RAD50: variants seen among roughly 807,000 people sequenced by gnomAD.
The protein encoded by RAD50 is RAD50 double strand break repair protein.
In RAD50, 132 loss-of-function variants were observed where a neutral mutation model predicts 168.8. The observed-to-expected ratio is 0.78, with a 90% CI of 0.68 to 0.90. The LOEUF is 0.90. Among genes scored for constraint, RAD50 ranks in the 40% least tolerant of loss-of-function variants. The pLI is 0.00. For synonymous variants in RAD50, 525 were observed against 497.4 expected (o/e 1.06, Z -0.74); for missense variants, 1,347 against 1,534.4 (o/e 0.88, Z 2.04).
At chr5:132,597,513 T>C (rs1750812345) in intron 13 of RAD50, among the ~76,000 whole-genome samples, 1 of 152,142 alleles carries the variant, frequency 6.6e-6, no homozygotes, top group Non-Finnish European at 1.5e-5. Flanking sequence ...TCTCCCTCTG[T>C]CTCTTGTCTG....
chr5:132,617,093 A>T (rs1751189508), intron 20 of RAD50, among the ~76,000 whole-genome samples: 1 of 152,152 alleles, frequency 6.6e-6, no homozygotes, highest in Non-Finnish European at 1.5e-5. Flanking sequence ...TCACAGAGGA[A>T]ATTATGATGA....
At chr5:132,621,447 G>C (rs924733975) in intron 21 of RAD50, among the ~76,000 whole-genome samples, 2 of 152,012 alleles carry the variant, frequency 1.3e-5, no homozygotes, top group Non-Finnish European at 2.9e-5. Context: ...TATTGTGGTG[G>C]TTTCATAAGC....
chr5:132,620,154 A>G (rs578256941), intron 21 of RAD50, among the ~76,000 whole-genome samples: 7 of 151,852 alleles, frequency 4.6e-5, no homozygotes, highest in African/African-American at 1.7e-4. Flanking sequence ...ATCCACCTGT[A>G]TTGGCCTCCC....
chr5:132,587,800 G>C, intron 6 of RAD50, 110 bp downstream of exon 6: 1 of 1,550,804 alleles, frequency 6.4e-7, no homozygotes, highest in Non-Finnish European at 8.9e-7. Flanking sequence ...TACAGATCTT[G>C]TTACTTCTAT....
At chr5:132,576,841 A>G (rs1455524239) in intron 3 of RAD50, among the ~76,000 whole-genome samples, 1 of 151,488 alleles carries the variant, frequency 6.6e-6, no homozygotes, top group Admixed American at 6.6e-5. Flanking sequence ...CTGCTGCTAT[A>G]CAAAGTAGAC....
intron 11 of RAD50, among the ~76,000 whole-genome samples, chr5:132,594,377 G>A (rs753455325): frequency 2.0e-5 from 3 of 152,174 alleles, no homozygotes; most frequent in Non-Finnish European, 2.9e-5. Context: ...GGGATAAATT[G>A]TACTAGTAAG....
intron 20 of RAD50, 21 bp downstream of exon 20, chr5:132,616,151 T>G (rs968057713): frequency 6.2e-7 from 1 of 1,604,826 alleles, no homozygotes; most frequent in African/African-American, 1.3e-5. Flanking sequence ...AAAATAATCT[T>G]CAGTTTAAAT....
rs1351474481 is a variant in RAD50, at chr5:132,587,591, C to T, written c.786C>T (p.Leu262=). 6.2e-7 allele frequency: 1 copy of T among 1,613,344 alleles called. No individual in the cohort carries two copies. The highest frequency in any genetic ancestry group is 1.3e-5 in the African/African-American group (1 of 74,950). ...KNRLKEIEHN[L]SKIMKLDNEI... ...GTCTAAAAGAAATTGAACATAATCT[C>T]TCTAAAATAATGAAACTTGACAATG... Residue 262 remains leucine, a synonymous_variant, in exon 6 of 25, where the codon CTC becomes CTT. Coordinates refer to ENST00000378823, the MANE Select transcript of RAD50 (RefSeq NM_005732.4).
At chr5:132,626,160 G>A (rs1390741009) in intron 21 of RAD50, among the ~76,000 whole-genome samples, 7 of 152,186 alleles carry the variant, frequency 4.6e-5, no homozygotes, top group South Asian at 4.2e-4. Flanking sequence ...GAGCCACCGC[G>A]CCCGAGAGGA....
At position 132,594,983 on chromosome 5, in the gene RAD50, G is replaced by C. The variant is rs1180678191; in HGVS notation, c.1908G>C (p.Gln636His). 1.9e-6 allele frequency: 3 copies of C among 1,613,720 alleles called. No homozygotes were observed. Among genetic ancestry groups the C allele is most frequent in the Non-Finnish European group, 2.5e-6 (3 of 1,179,760 alleles). Reference sequence around the variant, plus strand: ...AGCTGTTTGATGTTTGTGGTAGCCAGGATTTTGAAAGTGATTTAGACAGGC... The same window carrying C: ...AGCTGTTTGATGTTTGTGGTAGCCACGATTTTGAAAGTGATTTAGACAGGC... ...EDKLFDVCGS[Q>H]DFESDLDRLK... Residue 636 changes from glutamine to histidine, a missense_variant, in exon 12 of 25, where the codon CAG becomes CAC. Gln to His is a conservative substitution (Grantham distance 24, BLOSUM62 0). This residue lies in a region of RAD50 where 703 missense variants were observed against 767.7 expected (regional missense o/e 0.92). Transcript: ENST00000378823.
intron 21 of RAD50, among the ~76,000 whole-genome samples, chr5:132,634,370 G>A (rs564466009): frequency 6.7e-6 from 1 of 149,870 alleles, no homozygotes; most frequent in Admixed American, 6.6e-5. Flanking sequence ...CTTTCCTATT[G>A]GTGTTTGCCT....
intron 11 of RAD50, 118 bp downstream of exon 11, chr5:132,592,152 T>TTACA: frequency 8.9e-7 from 1 of 1,127,844 alleles, no homozygotes; most frequent in East Asian, 2.5e-5. Context: ...ACTTTAGTTC[T>TTACA]TACATACAAG....
chr5:132,565,273 A>G (rs552045351), intron 2 of RAD50, among the ~76,000 whole-genome samples: 57 of 144,298 alleles, frequency 4.0e-4, no homozygotes, highest in African/African-American at 1.4e-3. Flanking sequence ...TCCTTTCATT[A>G]TAAGTTACCC....
chr5:132,565,690 C>T lies in RAD50; in HGVS notation c.213+6323C>T, dbSNP rs141834209. ...ACCAGGTGGCTTCTTGCAAGAATGC[C>T]GTCTCTACTCTATGATCTGACTTCC... On this transcript the variant is annotated intron_variant, in intron 2 of 24. Coordinates refer to ENST00000378823, the MANE Select transcript of RAD50 (RefSeq NM_005732.4). Among the ~76,000 whole-genome samples, 109 of 152,196 alleles carry T rather than the reference C, an allele frequency of 7.2e-4. 1 individual carries two copies. The highest frequency in any genetic ancestry group is 1.2e-3 in the Non-Finnish European group (82 of 67,978).
rs760621534 is a variant in RAD50, at chr5:132,642,183, TA to T, written c.3763del (p.Ser1255ValfsTer12). On this transcript the variant is annotated frameshift_variant, in exon 25 of 25. Coordinates refer to ENST00000378823, the MANE Select transcript of RAD50 (RefSeq NM_005732.4). LOFTEE classifies it high-confidence loss of function. ...TTCTGAATATATTGTTGCAGGATAA[TA>T]AAAAGTCGCTCACAGCAGCGTAACT... The part of the protein sequence containing the change: ...ESLAHALVEI[I>X]KSRSQQRNFQ... The T allele has an allele frequency of 6.2e-7, 1 of 1,613,728 alleles. No homozygotes were observed. The highest frequency in any genetic ancestry group is 1.7e-5 in the Admixed American group (1 of 60,032).
intron 5 of RAD50, among the ~76,000 whole-genome samples, chr5:132,585,670 C>T (rs1255257806): frequency 2.2e-5 from 3 of 138,774 alleles, no homozygotes; most frequent in Non-Finnish European, 4.5e-5. Context: ...GTGGTGTGAT[C>T]TTGGCTCACT....
At chr5:132,592,893 G>C (rs1421856055) in intron 11 of RAD50, 1 of 470,766 alleles carries the variant, frequency 2.1e-6, no homozygotes, top group South Asian at 1.5e-5. Context: ...CAGTGATTTT[G>C]GGCATCCATC....
At chr5:132,595,900 A>G in intron 13 of RAD50, 90 bp downstream of exon 13, 3 of 1,180,626 alleles carry the variant, frequency 2.5e-6, no homozygotes, top group Non-Finnish European at 3.8e-6. Flanking sequence ...GTTACTCAGT[A>G]AGGACTCTGA....
chr5:132,567,040 A>G (rs544539547), intron 2 of RAD50, among the ~76,000 whole-genome samples: 4 of 152,228 alleles, frequency 2.6e-5, no homozygotes, highest in Non-Finnish European at 5.9e-5. Context: ...CAAAGGAAAA[A>G]AAGTCTGTCA....
Sources: allele counts gnomAD v4.1 joint callset (sites outside exome capture counted in the v4.1 genomes callset), GRCh38; gene constraint gnomAD v4.1.1; regional missense constraint gnomAD v4.1.1; transcripts MANE v1.5; gene names NCBI Gene and HGNC (gene_info 2026-07-23, HGNC 2026-07-21).